TTN: variants seen among roughly 807,000 people sequenced by gnomAD.
TTN encodes titin.
A neutral mutation model predicts 3,223.0 loss-of-function variants in TTN; 1,525 were observed. The observed-to-expected ratio is 0.47, with a 90% CI of 0.45 to 0.49. TTN has a LOEUF of 0.49. TTN is among the 20% of genes least tolerant of loss of function. The pLI is 0.00. For missense variants in TTN, 40,786 were observed against 43,424.0 expected (o/e 0.94, Z 5.40); for synonymous variants, 14,094 against 15,161.0 (o/e 0.93, Z 5.17).
chr2:178,743,934 C>A (rs548586492), intron 47 of TTN, among the ~76,000 whole-genome samples: 16 of 151,910 alleles, frequency 1.1e-4, no homozygotes, highest in South Asian at 2.1e-4. Flanking sequence ...ACAGATAATT[C>A]AAAATTTTTT....
intron 110 of TTN, 45 bp downstream of exon 110, chr2:178,701,483 G>C (rs2074985187): frequency 7.6e-6 from 12 of 1,588,040 alleles, no homozygotes; most frequent in Non-Finnish European, 1.0e-5. Context: ...CCTAGTGCTA[G>C]AATATTGCTG....
rs746704436 is a variant in TTN, at chr2:178,719,343, A to G, written c.24047T>C (p.Val8016Ala). Residue 8016 changes from valine (V) to alanine (A), a missense_variant, in exon 83 of 363, where the codon GTT becomes GCT. By Grantham distance (64) the Val-to-Ala change is moderately conservative. Transcript: ENST00000589042. ...CRVSGSAPIS[V>A]GWFQDGNEIV... is the part of the protein sequence containing the mutation. ...CTCATTTCCATCCTGAAACCAGCCA[A>G]CTGAAATCGGGGCTGAGCCAGAGAC... The G allele has an allele frequency of 6.2e-6, 10 of 1,613,626 alleles. No homozygotes were observed. Among genetic ancestry groups the G allele is most frequent in the East Asian group, 2.2e-5 (1 of 44,856 alleles).
At chr2:178,555,324 T>C in intron 330 of TTN, 172 bp from the exon 331 acceptor site, 1 of 623,110 alleles carries the variant, frequency 1.6e-6, no homozygotes, top group Non-Finnish European at 2.6e-6. Context: ...GCCACTCTTC[T>C]ATCTCAGATG....
intron 40 of TTN, 72 bp from the exon 41 acceptor site, chr2:178,766,684 T>C (rs1358859055): frequency 2.4e-6 from 3 of 1,242,230 alleles, no homozygotes; most frequent in African/African-American, 1.5e-5. Flanking sequence ...TCCCAGTTAA[T>C]CAATTTCTAA....
intron 117 of TTN, 59 bp downstream of exon 117, chr2:178,694,540 T>C: frequency 7.8e-7 from 1 of 1,278,064 alleles, no homozygotes; most frequent in Non-Finnish European, 1.1e-6. Context: ...TATGTACACA[T>C]GTCCATACAC....
Position 178,790,125 on chromosome 2 carries a change from C to T in TTN, c.1801-10G>A. ...TAGTTTCCTTCATTATCTGATCATA[C>T]AAAAGAAAGTAAGAAAATAGTCATT... is the stretch of plus-strand genomic sequence containing the variant. On this transcript the variant is annotated splice_polypyrimidine_tract_variant and intron_variant, in intron 11 of 362. Transcript: ENST00000589042. 6.2e-7 allele frequency: 1 copy of T among 1,609,650 alleles called. No homozygotes were observed. The highest frequency in any genetic ancestry group is 8.5e-7 in the Non-Finnish European group (1 of 1,177,994).
rs1553915256 is a variant in TTN, at chr2:178,725,367, C to T, written c.20836+1G>A. On this transcript the variant is annotated splice_donor_variant, in intron 71 of 362. Coordinates refer to ENST00000589042, the MANE Select transcript of TTN (RefSeq NM_001267550.2). LOFTEE classifies it high-confidence loss of function. ...TTTCTATCGTGGGCTATTGTACCAA[C>T]CTAAGACCATCAGTGTGGCCATGTT... is the stretch of plus-strand genomic sequence containing the variant. 1.3e-6 allele frequency: 2 copies of T among 1,552,214 alleles called. No individual in the cohort carries two copies. The highest frequency in any genetic ancestry group is 1.3e-5 in the South Asian group (1 of 79,804).
rs2062801139 is a variant in TTN, at chr2:178,650,755, T to G, written c.39705A>C (p.Pro13235=). Residue 13235 remains proline (P), a synonymous_variant, in exon 209 of 363, where the codon CCA becomes CCC. Transcript: ENST00000589042. ...PVPERAESPP[P]EVYEEPEEIA... ...AATCACCGGTCTCACGTGTACCTTC[T>G]GGGGGAGGAGACTCCGCTCTTTCTG... 1 of 1,602,466 alleles carries G rather than the reference T, an allele frequency of 6.2e-7. No homozygotes were observed. The highest frequency in any genetic ancestry group is 8.5e-7 in the Non-Finnish European group (1 of 1,174,144).
rs751954990 is a variant in TTN at position 178,532,906 on chromosome 2, C to A, written c.103709G>T (p.Trp34570Leu). The A allele has an allele frequency of 1.9e-6, 3 of 1,613,738 alleles. No individual in the cohort carries two copies. Among genetic ancestry groups the A allele is most frequent in the Non-Finnish European group, 2.5e-6 (3 of 1,179,874 alleles). ...KQFVPMSDMK[W>L]YKKIRDQYEM... ...ATACTGATCACGTATCTTTTTATAC[C>A]ACTTCATGTCAGACATGGGCACGAA... Residue 34570 changes from tryptophan to leucine, a missense_variant, in exon 358 of 363, where the codon TGG (tryptophan) becomes TTG (leucine). By Grantham distance (61) the Trp-to-Leu change is moderately conservative. Transcript: ENST00000589042.
rs1220847397 is a variant in TTN at position 178,729,277 on chromosome 2, G to A, written c.18868+11C>T. 6.3e-7 allele frequency: 1 copy of A among 1,584,444 alleles called. No homozygotes were observed. The highest frequency in any genetic ancestry group is 8.6e-7 in the Non-Finnish European group (1 of 1,164,498). ...ATTTTTATTTGATAGGCTGCTTCTT[G>A]TATAACTGACCTTTCAGGGCAACTC... On this transcript the variant is annotated intron_variant, in intron 64 of 362. Transcript: ENST00000589042.
chr2:178,620,349 G>C lies in TTN; in HGVS notation c.46172C>G (p.Thr15391Arg). 1.2e-6 allele frequency: 2 copies of C among 1,604,308 alleles called. No individual in the cohort carries two copies. The highest frequency in any genetic ancestry group is 1.7e-6 in the Non-Finnish European group (2 of 1,174,226). The change falls in exon 248 of 363, where the codon ACA (threonine) becomes AGA (arginine). Residue 15391 changes from threonine to arginine, a missense_variant. Thr to Arg is a moderately conservative substitution (Grantham distance 71, BLOSUM62 -1). Transcript: ENST00000589042. ...VAELLIIEAP[T>R]EFVEHLEDQT... ...ATCTTCCAAGTGTTCCACAAATTCT[G>C]TCGGGGCTTCTATGATGAGAAGCTC...
intron 47 of TTN, chr2:178,752,057 AAC>A: frequency 6.7e-7 from 1 of 1,482,166 alleles, no homozygotes; most frequent in Non-Finnish European, 9.3e-7. Flanking sequence ...AAAAAAAAAA[AAC>A]CTTTACTATT....
rs748373435 is a variant in TTN at position 178,562,690 on chromosome 2, A to G, written c.83442T>C (p.Ala27814=). Residue 27814 remains alanine, a synonymous_variant, in exon 326 of 363, where the codon GCT becomes GCC. Coordinates refer to ENST00000589042, the MANE Select transcript of TTN (RefSeq NM_001267550.2). The stretch of plus-strand genomic sequence containing the variant: ...TTTTAGTGCAATTATTTGTAATGGT[A>G]GCATAGGCTTTTCTTGTAGTTTCTC... ...EKRETTRKAY[A]TITNNCTKTT... 6.3e-7 allele frequency: 1 copy of G among 1,596,008 alleles called. No individual in the cohort carries two copies. Among genetic ancestry groups the G allele is most frequent in the Non-Finnish European group, 8.5e-7 (1 of 1,172,542 alleles).
intron 37 of TTN, among the ~76,000 whole-genome samples, chr2:178,769,144 C>A (rs2091050796): frequency 6.6e-6 from 1 of 151,958 alleles, no homozygotes; most frequent in African/African-American, 2.4e-5. Context: ...GACACTGAGG[C>A]ATCTTTCCAG....
At position 178,739,881 on chromosome 2, in the gene TTN, A is replaced by G. The variant is rs1428190839; in HGVS notation, c.13352T>C (p.Val4451Ala). Reference sequence around the variant, plus strand: ...AATAATGATGGTTACTTCTTCTGTTACAGACTTTGCCGAAGTAACAAGGTA... The same window carrying G: ...AATAATGATGGTTACTTCTTCTGTTGCAGACTTTGCCGAAGTAACAAGGTA... ...CMYLVTSAKSVTEEVTIIIED... is the reference protein window; with the variant it reads ...CMYLVTSAKSATEEVTIIIED... The change falls in exon 48 of 363, where the codon GTA becomes GCA. Residue 4451 changes from valine to alanine, a missense_variant. Physicochemically the swap from Val to Ala is moderately conservative, Grantham distance 64. Transcript: ENST00000589042. 6.2e-7 allele frequency: 1 copy of G among 1,613,850 alleles called. No individual in the cohort carries two copies. Among genetic ancestry groups the G allele is most frequent in the East Asian group, 2.2e-5 (1 of 44,850 alleles).
At chr2:178,673,869 G>A (rs550974822) in intron 151 of TTN, among the ~76,000 whole-genome samples, 159 bp from the exon 152 acceptor site, 1 of 151,846 alleles carries the variant, frequency 6.6e-6, no homozygotes, top group South Asian at 2.1e-4. Flanking sequence ...CCCTAGAGGT[G>A]TAAAGGATAT....
intron 288 of TTN, 146 bp from the exon 289 acceptor site, chr2:178,599,996 C>T (rs1021550862): frequency 1.6e-5 from 12 of 730,122 alleles, no homozygotes; most frequent in Non-Finnish European, 2.5e-5. Context: ...CTGTCTTTAA[C>T]ACTATTACGC....
Position 178,740,453 on chromosome 2 carries a change from C to G in TTN, c.12780G>C (p.Ala4260=). ...VTLQKQEAQS[A]LILSQSLAEG... ...CAGCTAAGCTCTGACTCAAGATGAG[C>G]GCACTTTGTGCCTCTTGCTTTTGAA... The change falls in exon 48 of 363, where the codon GCG becomes GCC. Residue 4260 remains alanine, a synonymous_variant. Transcript: ENST00000589042. 8 of 1,613,248 alleles carry G rather than the reference C, an allele frequency of 5.0e-6. No individual in the cohort carries two copies. The highest frequency in any genetic ancestry group is 3.3e-5 in the South Asian group (3 of 91,032).
Position 178,571,029 on chromosome 2 carries a change from C to T in TTN, c.75103G>A (p.Gly25035Arg). The change falls in exon 326 of 363, where the codon GGA becomes AGA. Residue 25035 changes from glycine (G) to arginine (R), a missense_variant. Physicochemically the swap from Gly to Arg is moderately radical, Grantham distance 125. Transcript: ENST00000589042. ...LQWKKPTYDG[G>R]SKITGYIVEK... ...ACAATATAACCAGTGATCTTGCTTCCACCGTCATAGGTGGGTTTCTTCCAC... is the reference window on the plus strand; with the variant it reads ...ACAATATAACCAGTGATCTTGCTTCTACCGTCATAGGTGGGTTTCTTCCAC... The T allele has an allele frequency of 2.5e-6, 4 of 1,612,500 alleles. No individual in the cohort carries two copies. In the South Asian group the frequency reaches 4.4e-5, roughly 18 times the overall value.
Sources: allele counts gnomAD v4.1 joint callset (sites outside exome capture counted in the v4.1 genomes callset), GRCh38; gene constraint gnomAD v4.1.1; transcripts MANE v1.5; gene names NCBI Gene and HGNC (gene_info 2026-07-23, HGNC 2026-07-21).